Variants in PCDHAC1 observed in about 807,000 individuals in gnomAD.
PCDHAC1 encodes protocadherin alpha-C1.
Under a neutral mutation model 60.0 loss-of-function variants are expected in PCDHAC1, and 42 were observed. The observed-to-expected ratio is 0.70, with a 90% CI of 0.55 to 0.90. The LOEUF (loss-of-function observed/expected upper bound fraction) is 0.90. PCDHAC1 is among the 40% of genes least tolerant of loss of function. The pLI, the probability that PCDHAC1 is intolerant of heterozygous loss-of-function variation, is 0.00. For missense variants in PCDHAC1, 1,160 were observed against 1,222.3 expected, an observed-to-expected ratio of 0.95 and a Z score of 0.76; for synonymous variants, 468 against 499.3, an observed-to-expected ratio of 0.94 and a Z score of 0.84.
chr5:140,929,931 A>G (rs2086483535), intron 1 of PCDHAC1: 1 of 152,250 alleles, frequency 6.6e-6, no homozygotes, highest in Non-Finnish European at 1.5e-5. Flanking sequence ...AAAACAGTGT[A>G]TTCTCTAGCC....
At chr5:140,937,982 A>G (rs1227498616) in intron 1 of PCDHAC1, among the ~76,000 whole-genome samples, 1 of 151,926 alleles carries the variant, frequency 6.6e-6, no homozygotes, top group Non-Finnish European at 1.5e-5. Flanking sequence ...TACTGATTTT[A>G]TGTTAACTTT....
chr5:140,997,565 A>T (rs552009994), intron 3 of PCDHAC1, among the ~76,000 whole-genome samples: 1 of 152,174 alleles, frequency 6.6e-6, no homozygotes, highest in Non-Finnish European at 1.5e-5. Context: ...CAACTGTCAT[A>T]TGTGTGGTCC....
chr5:141,006,350 T>G (rs1254086807), intron 3 of PCDHAC1, among the ~76,000 whole-genome samples: 2 of 152,086 alleles, frequency 1.3e-5, no homozygotes, highest in Non-Finnish European at 2.9e-5. Flanking sequence ...TAGCTGGGAC[T>G]ATAGGCGCCC....
At chr5:140,962,405 C>A (rs2095680586) in intron 1 of PCDHAC1, among the ~76,000 whole-genome samples, 1 of 152,200 alleles carries the variant, frequency 6.6e-6, no homozygotes, top group South Asian at 2.1e-4. Context: ...TGCCCCAAAC[C>A]TGTCTCTCCC....
intron 1 of PCDHAC1, among the ~76,000 whole-genome samples, chr5:140,972,402 G>A (rs1554234110): frequency 6.6e-6 from 1 of 151,784 alleles, no homozygotes; most frequent in Non-Finnish European, 1.5e-5. Context: ...TTCACTATTG[G>A]CAAACCCTGT....
Position 140,927,000 on chromosome 5 carries a change from A to G in PCDHAC1, c.108A>G (p.Val36=), listed in dbSNP as rs1554203899. The change falls in exon 1 of 4, where the codon GTA becomes GTG. Residue 36 remains valine, a synonymous_variant. Coordinates refer to ENST00000253807, the MANE Select transcript of PCDHAC1 (RefSeq NM_018898.5). The part of the protein sequence containing the change: ...VPEETERGVA[V]GNLSADLRLP... Reference sequence around the variant, plus strand: ...AGGAGACGGAGCGGGGCGTAGCCGTAGGCAATCTCTCCGCGGACTTGAGGC... The same window carrying G: ...AGGAGACGGAGCGGGGCGTAGCCGTGGGCAATCTCTCCGCGGACTTGAGGC... The G allele has an allele frequency of 1.2e-6, 2 of 1,612,352 alleles. No homozygotes were observed. The highest frequency in any genetic ancestry group is 1.7e-6 in the Non-Finnish European group (2 of 1,178,864).
intron 3 of PCDHAC1, among the ~76,000 whole-genome samples, chr5:140,990,648 A>G (rs2097404919): frequency 2.0e-5 from 3 of 152,220 alleles, no homozygotes; most frequent in Admixed American, 1.3e-4. Flanking sequence ...CTCAGCCAGT[A>G]TGAATGATTT....
intron 1 of PCDHAC1, among the ~76,000 whole-genome samples, chr5:140,940,458 C>T (rs1041159084): frequency 4.0e-5 from 6 of 151,806 alleles, no homozygotes; most frequent in African/African-American, 1.5e-4. Context: ...TTATAGGTTT[C>T]TGTTCCCTGC....
intron 1 of PCDHAC1, among the ~76,000 whole-genome samples, chr5:140,931,683 A>C (rs1482331530): frequency 6.6e-6 from 1 of 151,950 alleles, no homozygotes; most frequent in Non-Finnish European, 1.5e-5. Flanking sequence ...AAATAAATGA[A>C]TTGTGATTCA....
At position 141,010,163 on chromosome 5, in the gene PCDHAC1, C is replaced by T; in HGVS notation, c.*226C>T. Reference sequence around the variant, plus strand: ...CTTTCTCTCCACTCTGGCTTGTTTTCAGAACCTAAAAAGCAGACCCAAGTT... The same window carrying T: ...CTTTCTCTCCACTCTGGCTTGTTTTTAGAACCTAAAAAGCAGACCCAAGTT... On this transcript the variant is annotated 3_prime_UTR_variant, in exon 4 of 4. Transcript: ENST00000253807. 1 of 1,565,826 alleles carries T rather than the reference C, an allele frequency of 6.4e-7. No homozygotes were observed. The highest frequency in any genetic ancestry group is 8.7e-7 in the Non-Finnish European group (1 of 1,154,220).
chr5:140,992,463 C>T (rs1416840803), intron 3 of PCDHAC1, among the ~76,000 whole-genome samples: 1 of 152,162 alleles, frequency 6.6e-6, no homozygotes, highest in Non-Finnish European at 1.5e-5. Flanking sequence ...GAGGACAGTA[C>T]TCTTTAGATC....
At chr5:140,936,351 T>C (rs2090932385) in intron 1 of PCDHAC1, among the ~76,000 whole-genome samples, 1 of 152,246 alleles carries the variant, frequency 6.6e-6, no homozygotes, top group African/African-American at 2.4e-5. Flanking sequence ...ATATATGGAA[T>C]GTGTAGCTAC....
intron 1 of PCDHAC1, among the ~76,000 whole-genome samples, chr5:140,955,464 T>C (rs563782102): frequency 2.0e-5 from 3 of 152,218 alleles, no homozygotes; most frequent in South Asian, 2.1e-4. Context: ...TTTTTCCTTT[T>C]TGCTTGGCAC....
Position 140,928,489 on chromosome 5 carries a change from C to A in PCDHAC1, c.1597C>A (p.Pro533Thr). ...FQVEGRDGGIPPRSATVTINL... is the reference protein window; with the variant it reads ...FQVEGRDGGITPRSATVTINL... ...AGTAGAAGGCCGGGATGGTGGCATT[C>A]CTCCCAGAAGTGCAACAGTGACTAT... Residue 533 changes from proline (P) to threonine (T), a missense_variant, in exon 1 of 4, where the codon CCT becomes ACT. Physicochemically the swap from Pro to Thr is conservative, Grantham distance 38 (BLOSUM62 -1). Transcript: ENST00000253807. The A allele has an allele frequency of 6.2e-7, 1 of 1,614,152 alleles. No individual in the cohort carries two copies.
At chr5:140,991,277 C>G (rs1210642530) in intron 3 of PCDHAC1, among the ~76,000 whole-genome samples, 1 of 152,148 alleles carries the variant, frequency 6.6e-6, no homozygotes, top group African/African-American at 2.4e-5. Flanking sequence ...CTGCTGAACT[C>G]TATACACTTA....
At chr5:140,958,218 A>C (rs1240262632) in intron 1 of PCDHAC1, among the ~76,000 whole-genome samples, 2 of 152,120 alleles carry the variant, frequency 1.3e-5, no homozygotes, top group Admixed American at 1.3e-4. Flanking sequence ...TTAGATTTTA[A>C]AGGACTTTCA....
chr5:140,953,992 G>A (rs1210096728), intron 1 of PCDHAC1, among the ~76,000 whole-genome samples: 3 of 152,034 alleles, frequency 2.0e-5, no homozygotes, highest in Non-Finnish European at 2.9e-5. Context: ...ATTTTCATGT[G>A]TACTCATCAT....
At chr5:140,998,903 G>A (rs1465203456) in intron 3 of PCDHAC1, among the ~76,000 whole-genome samples, 9 of 152,156 alleles carry the variant, frequency 5.9e-5, no homozygotes, top group African/African-American at 1.7e-4. Flanking sequence ...CAATGCCTCC[G>A]GGAGGTAGCT....
intron 1 of PCDHAC1, chr5:140,968,319 TCAC>T: frequency 6.2e-7 from 1 of 1,613,996 alleles, no homozygotes; most frequent in East Asian, 2.2e-5. Flanking sequence ...GGGCTGCCAG[TCAC>T]CTCCTATGTC....
Sources: allele counts gnomAD v4.1 joint callset (sites outside exome capture counted in the v4.1 genomes callset), GRCh38; gene constraint gnomAD v4.1.1; transcripts MANE v1.5; gene names NCBI Gene and HGNC (gene_info 2026-07-23, HGNC 2026-07-21).